The following LRIT3 variants were observed in gnomAD, a reference collection of about 807,000 sequenced individuals.
LRIT3 encodes the protein leucine rich repeat, Ig-like and transmembrane domains 3.
LRIT3 carries 14 observed loss-of-function variants against 22.6 expected under a neutral mutation model. That is an observed-to-expected ratio of 0.62 (90% CI 0.41 to 0.97). The LOEUF is 0.97. Ranked by LOEUF, LRIT3 falls within the 50% of genes least tolerant of loss-of-function variation. The pLI, the probability that LRIT3 is intolerant of heterozygous loss-of-function variation, is 0.00. For missense variants in LRIT3, 783 were observed against 803.0 expected (o/e 0.98, Z 0.30); for synonymous variants, 306 against 304.5 (o/e 1.01, Z -0.05).
chr4:109,853,523 C>G (rs1734322987), intron 2 of LRIT3, among the ~76,000 whole-genome samples: 2 of 151,962 alleles, frequency 1.3e-5, no homozygotes, highest in African/African-American at 4.8e-5. Context: ...CAAACATTTT[C>G]TCCCATTCTG....
chr4:109,863,486 T>C (rs987514411), intron 2 of LRIT3, among the ~76,000 whole-genome samples: 2 of 152,214 alleles, frequency 1.3e-5, no homozygotes, highest in Non-Finnish European at 2.9e-5. Flanking sequence ...TTTGATCTCC[T>C]GAATCTCTGC....
chr4:109,858,119 C>T (rs1033610616), intron 2 of LRIT3, among the ~76,000 whole-genome samples: 1 of 152,160 alleles, frequency 6.6e-6, no homozygotes, highest in Non-Finnish European at 1.5e-5. Flanking sequence ...CGATCATCTA[C>T]AGAACCAGGC....
At chr4:109,861,864 C>T (rs955156378) in intron 2 of LRIT3, among the ~76,000 whole-genome samples, 1 of 152,124 alleles carries the variant, frequency 6.6e-6, no homozygotes, top group African/African-American at 2.4e-5. Flanking sequence ...TTGCCTACCT[C>T]AAAATCACAG....
chr4:109,865,515 A>G (rs528632668), intron 2 of LRIT3, among the ~76,000 whole-genome samples: 4 of 152,220 alleles, frequency 2.6e-5, no homozygotes, highest in Non-Finnish European at 5.9e-5. Context: ...CTTAGTAGAC[A>G]TACAGATTGT....
chr4:109,865,843 GC>G (rs1433120112), intron 2 of LRIT3, among the ~76,000 whole-genome samples: 1 of 152,110 alleles, frequency 6.6e-6, no homozygotes, highest in African/African-American at 2.4e-5. Context: ...CAAGATTTCA[GC>G]CCAGACGTTA....
At chr4:109,868,414 T>C (rs569281257) in intron 3 of LRIT3, among the ~76,000 whole-genome samples, 1 of 152,120 alleles carries the variant, frequency 6.6e-6, no homozygotes, top group South Asian at 2.1e-4. Context: ...CTACTAAAAA[T>C]ACAAAAATCA....
chr4:109,855,847 G>A (rs1388577606), intron 2 of LRIT3, among the ~76,000 whole-genome samples: 1 of 152,112 alleles, frequency 6.6e-6, no homozygotes, highest in Non-Finnish European at 1.5e-5. Context: ...TAGTTGAGTG[G>A]TTTTGAGTGA....
chr4:109,860,147 T>C (rs541434964), intron 2 of LRIT3, among the ~76,000 whole-genome samples: 23 of 152,340 alleles, frequency 1.5e-4, no homozygotes, highest in Admixed American at 1.2e-3. Context: ...CACAGGCATA[T>C]TCTGTAAGTC....
chr4:109,855,737 C>CTT, intron 2 of LRIT3, among the ~76,000 whole-genome samples: 1 of 152,236 alleles, frequency 6.6e-6, no homozygotes, highest in Middle Eastern at 3.4e-3. Flanking sequence ...CTGGTATGTT[C>CTT]TGTCTTTGTT....
chr4:109,852,020 C>T (rs1258107648), intron 2 of LRIT3, 44 bp downstream of exon 2: 2 of 1,451,250 alleles, frequency 1.4e-6, no homozygotes, highest in Non-Finnish European at 1.8e-6. Flanking sequence ...AGTTACTTTG[C>T]TATGCATAGC....
intron 2 of LRIT3, among the ~76,000 whole-genome samples, chr4:109,865,428 A>T (rs1290736257): frequency 6.6e-6 from 1 of 152,176 alleles, no homozygotes; most frequent in African/African-American, 2.4e-5. Flanking sequence ...CTATGAACTG[A>T]CTACATTATT....
intron 2 of LRIT3, among the ~76,000 whole-genome samples, chr4:109,854,089 A>G (rs1316558439): frequency 2.6e-5 from 4 of 152,124 alleles, no homozygotes; most frequent in Admixed American, 2.6e-4. Context: ...TCCCATATGA[A>G]ATTTAAAGTA....
At chr4:109,861,564 TTCCC>T (rs1225452425) in intron 2 of LRIT3, among the ~76,000 whole-genome samples, 2 of 152,162 alleles carry the variant, frequency 1.3e-5, no homozygotes, top group Non-Finnish European at 2.9e-5. Flanking sequence ...TAATTTCCAT[TTCCC>T]TGATTATTAA....
intron 3 of LRIT3, 27 bp downstream of exon 3, chr4:109,867,973 C>A: frequency 6.3e-7 from 1 of 1,583,948 alleles, no homozygotes; most frequent in South Asian, 1.1e-5. Flanking sequence ...GCCCCATGAT[C>A]AAAGGAGTTT....
intron 2 of LRIT3, chr4:109,865,067 T>C: frequency 7.1e-7 from 1 of 1,414,948 alleles, no homozygotes; most frequent in Non-Finnish European, 9.2e-7. Flanking sequence ...TGTTAGTTTG[T>C]TGTTCCATCT....
Position 109,865,169 on chromosome 4 carries a change from T to C in LRIT3, c.590-2472T>C. On this transcript the variant is annotated intron_variant, in intron 2 of 3. Transcript: ENST00000594814. The stretch of plus-strand genomic sequence containing the variant: ...AAGCTCTAGCATTTATCTAGTCAAC[T>C]CTCCCATTTTGCCGATGAGAAAACA... 2.1e-6 allele frequency: 3 copies of C among 1,460,782 alleles called. No homozygotes were observed. The Admixed American group carries it at 6.2e-5, about 30-fold the overall frequency. The allele number at this position is 1,460,782 out of a possible 1,614,324, so 90.5% of individuals were successfully genotyped here. A position where few individuals can be genotyped will look rare whatever the true frequency, so the allele number is the denominator to read the frequency against.
At chr4:109,860,203 C>T (rs1441442659) in intron 2 of LRIT3, among the ~76,000 whole-genome samples, 1 of 152,136 alleles carries the variant, frequency 6.6e-6, no homozygotes, top group East Asian at 1.9e-4. Flanking sequence ...TAGAATAAAA[C>T]ATAAAATGCT....
chr4:109,858,535 C>T (rs114224301), intron 2 of LRIT3, among the ~76,000 whole-genome samples: 4,598 of 152,150 alleles, frequency 0.03, 221 homozygotes, highest in African/African-American at 0.1. Context: ...GAAACACAAG[C>T]GTAGACTCTT....
At chr4:109,868,379 T>C (rs1734737804) in intron 3 of LRIT3, among the ~76,000 whole-genome samples, 1 of 152,160 alleles carries the variant, frequency 6.6e-6, no homozygotes, top group East Asian at 1.9e-4. Context: ...GAGACCAGCC[T>C]GGCCAACATG....
Sources: gnomAD v4.1 joint callset for allele counts (sites outside exome capture counted in the v4.1 genomes callset) on GRCh38, gnomAD v4.1.1 for gene constraint, MANE v1.5 for transcripts, NCBI Gene and HGNC (gene_info 2026-07-23, HGNC 2026-07-21) for gene names.